The following KCNB2 variants were observed in gnomAD, a reference collection of about 807,000 sequenced individuals.
KCNB2 encodes potassium voltage-gated channel subfamily B member 2, also known as delayed rectifier potassium channel protein.
Under a neutral mutation model 61.5 loss-of-function variants are expected in KCNB2, and 15 were observed. The observed-to-expected ratio is 0.24, with a 90% CI of 0.16 to 0.38. KCNB2 has a LOEUF of 0.38. Among genes scored for constraint, KCNB2 ranks in the 10% least tolerant of loss-of-function variants. The pLI, the probability that KCNB2 is intolerant of heterozygous loss-of-function variation, is 1.00. For missense variants in KCNB2, 828 were observed against 1,125.2 expected (o/e 0.74, Z 3.78); for synonymous variants, 457 against 446.0 (o/e 1.02, Z -0.31).
rs545429483 is a variant in KCNB2 at position 72,924,745 on chromosome 8, C to T, written c.580-11190C>T. Among the ~76,000 whole-genome samples, 12 of 152,194 alleles carry T rather than the reference C, an allele frequency of 7.9e-5. No homozygotes were observed. The East Asian group carries it at 1.2e-3, about 15-fold the overall frequency. ...ATTATGAGTCCTTGGTGGTTGCTGC[C>T]CAAACAGTCTAAATAAGACTCAATG... On this transcript the variant is annotated intron_variant, in intron 2 of 2. Transcript: ENST00000523207.
intron 1 of KCNB2, among the ~76,000 whole-genome samples, chr8:72,542,771 A>T (rs1436610386): frequency 6.6e-6 from 1 of 152,174 alleles, no homozygotes; most frequent in African/African-American, 2.4e-5. Context: ...TGGATAATTG[A>T]TTCAGAGTTC....
At chr8:72,836,750 A>G (rs1809789211) in intron 2 of KCNB2, among the ~76,000 whole-genome samples, 1 of 152,118 alleles carries the variant, frequency 6.6e-6, no homozygotes, top group African/African-American at 2.4e-5. Flanking sequence ...GTCTCTATAA[A>G]AAATATAAAA....
At position 72,937,308 on chromosome 8, in the gene KCNB2, T is replaced by C; in HGVS notation, c.1953T>C (p.Phe651=). The part of the protein sequence containing the change: ...EEHQRARGPP[F]LTLSREKGPA... ...ACCAAAGAGCTAGGGGCCCCCCGTT[T>C]CTAACTCTATCCAGAGAGAAAGGAC... The change falls in exon 3 of 3, where the codon TTT becomes TTC. Residue 651 remains phenylalanine, a synonymous_variant. Transcript: ENST00000523207. The C allele has an allele frequency of 6.2e-7, 1 of 1,613,894 alleles. No homozygotes were observed. The highest frequency in any genetic ancestry group is 1.1e-5 in the South Asian group (1 of 91,074).
chr8:72,556,462 T>C (rs1299000317), intron 1 of KCNB2, among the ~76,000 whole-genome samples: 4 of 152,138 alleles, frequency 2.6e-5, no homozygotes, highest in African/African-American at 9.6e-5. Context: ...TTAATGATCC[T>C]CACTAATGAT....
chr8:72,582,673 T>C (rs1443696447), intron 2 of KCNB2, among the ~76,000 whole-genome samples: 2 of 152,212 alleles, frequency 1.3e-5, no homozygotes, highest in Admixed American at 6.5e-5. Flanking sequence ...AGTGCAGTGA[T>C]GCCATCATAG....
intron 2 of KCNB2, among the ~76,000 whole-genome samples, chr8:72,741,403 G>A (rs879570892): frequency 1.3e-5 from 2 of 152,080 alleles, no homozygotes; most frequent in Non-Finnish European, 2.9e-5. Context: ...TCTTATCTGT[G>A]CATATATTTC....
At chr8:72,647,202 A>G (rs1437818074) in intron 2 of KCNB2, among the ~76,000 whole-genome samples, 1 of 152,148 alleles carries the variant, frequency 6.6e-6, no homozygotes, top group Non-Finnish European at 1.5e-5. Flanking sequence ...CTCTGTTACA[A>G]ATGCTGACTC....
intron 2 of KCNB2, among the ~76,000 whole-genome samples, chr8:72,898,572 G>A (rs1302296388): frequency 6.6e-6 from 1 of 152,086 alleles, no homozygotes; most frequent in African/African-American, 2.4e-5. Flanking sequence ...TCAAGCCAGG[G>A]CCCTTATCAA....
chr8:72,780,987 T>A lies in KCNB2; in HGVS notation c.580-154948T>A, dbSNP rs1414860021. 3.3e-5 allele frequency among the ~76,000 whole-genome samples: 5 copies of A among 152,222 alleles called. No homozygotes were observed. In the East Asian group the frequency reaches 9.6e-4, roughly 29 times the overall value. Reference sequence around the variant, plus strand: ...CTCTAATGATCAGTGATGCTGAGCTTTTTTTCATATGTTTGTTGGCTGCAC... The same window carrying A: ...CTCTAATGATCAGTGATGCTGAGCTATTTTTCATATGTTTGTTGGCTGCAC... On this transcript the variant is annotated intron_variant, in intron 2 of 2. Coordinates refer to ENST00000523207, the MANE Select transcript of KCNB2 (RefSeq NM_004770.3).
chr8:72,823,439 C>A (rs527664100), intron 2 of KCNB2, among the ~76,000 whole-genome samples: 166 of 152,138 alleles, frequency 1.1e-3, no homozygotes, highest in African/African-American at 3.6e-3. Flanking sequence ...GACCCTGGAC[C>A]CAGCCAAGGG....
intron 2 of KCNB2, among the ~76,000 whole-genome samples, chr8:72,923,947 C>T (rs1312776593): frequency 2.4e-4 from 36 of 152,164 alleles, no homozygotes; most frequent in Admixed American, 2.4e-3. Flanking sequence ...TATATCATTT[C>T]AGCACTACAC....
chr8:72,568,580 C>T (rs1408165401), intron 2 of KCNB2, among the ~76,000 whole-genome samples: 1 of 152,124 alleles, frequency 6.6e-6, no homozygotes, highest in Non-Finnish European at 1.5e-5. Flanking sequence ...TCCTGGTTTT[C>T]CTGGCGCTGT....
chr8:72,581,035 GCCC>G (rs1310918075), intron 2 of KCNB2, among the ~76,000 whole-genome samples: 1 of 152,076 alleles, frequency 6.6e-6, no homozygotes, highest in South Asian at 2.1e-4. Flanking sequence ...CAAACACAGT[GCCC>G]CAGGTGTTGC....
chr8:72,540,290 G>A lies in KCNB2; in HGVS notation c.-94+2405G>A, dbSNP rs1183575356. On this transcript the variant is annotated intron_variant, in intron 1 of 2. Coordinates refer to ENST00000523207, the MANE Select transcript of KCNB2 (RefSeq NM_004770.3). ...CTAATTCCAAAGGAAGATTCTTAAC[G>A]TTGATAGGAAATCTCATGCATATTT... Among the ~76,000 whole-genome samples the A allele has an allele frequency of 3.9e-5, 6 of 152,116 alleles. No individual in the cohort carries two copies. In the South Asian group the frequency reaches 1.0e-3, roughly 26 times the overall value.
At chr8:72,579,257 T>C (rs1806852124) in intron 2 of KCNB2, among the ~76,000 whole-genome samples, 1 of 152,204 alleles carries the variant, frequency 6.6e-6, no homozygotes. Context: ...GATTTTCTAC[T>C]GAATTTCTTT....
intron 2 of KCNB2, among the ~76,000 whole-genome samples, chr8:72,647,521 A>G (rs1414446378): frequency 1.3e-5 from 2 of 152,178 alleles, no homozygotes; most frequent in Non-Finnish European, 2.9e-5. Flanking sequence ...TATTTCCATG[A>G]AAAAATGAGA....
At chr8:72,589,448 T>C (rs1414488456) in intron 2 of KCNB2, among the ~76,000 whole-genome samples, 1 of 152,176 alleles carries the variant, frequency 6.6e-6, no homozygotes, top group African/African-American at 2.4e-5. Context: ...TGCCTCTCAA[T>C]AGGAGTGGCA....
chr8:72,591,508 A>C (rs349359), intron 2 of KCNB2, among the ~76,000 whole-genome samples: 22,542 of 152,150 alleles, frequency 0.15, 1,858 homozygotes, highest in East Asian at 0.23. Flanking sequence ...ATTTTATTCT[A>C]GTAATCCTAA....
intron 2 of KCNB2, among the ~76,000 whole-genome samples, chr8:72,874,627 G>A (rs185551616): frequency 3.9e-5 from 6 of 152,356 alleles, no homozygotes; most frequent in Non-Finnish European, 2.9e-5. Context: ...ATAACTGGCT[G>A]AGCCAATGAA....
Sources: gnomAD v4.1 joint callset for allele counts (sites outside exome capture counted in the v4.1 genomes callset) on GRCh38, gnomAD v4.1.1 for gene constraint, MANE v1.5 for transcripts, NCBI Gene and HGNC (gene_info 2026-07-23, HGNC 2026-07-21) for gene names.